The following CALN1 variants were observed in gnomAD, a reference collection of about 807,000 sequenced individuals.
The protein encoded by CALN1 is calcium-binding protein 8.
Under a neutral mutation model 30.6 loss-of-function variants are expected in CALN1, and 17 were observed. The ratio of observed to expected loss-of-function variants is 0.56; its 90% CI spans 0.38 to 0.83. CALN1 has a LOEUF of 0.83. Ranked by LOEUF, CALN1 falls within the 40% of genes least tolerant of loss-of-function variation. The pLI, the probability that CALN1 is intolerant of heterozygous loss-of-function variation, is 0.00. For missense variants in CALN1, 291 were observed against 354.9 expected (o/e 0.82, Z 1.45); for synonymous variants, 156 against 131.4 (o/e 1.19, Z -1.28).
chr7:71,841,912 T>C (rs1430611623), intron 5 of CALN1, among the ~76,000 whole-genome samples: 2 of 152,030 alleles, frequency 1.3e-5, no homozygotes, highest in East Asian at 3.9e-4. Context: ...TGTTCACCAT[T>C]TGAATGATGG....
At chr7:71,811,213 A>T (rs1426623978) in intron 5 of CALN1, among the ~76,000 whole-genome samples, 4 of 151,366 alleles carry the variant, frequency 2.6e-5, no homozygotes, top group Non-Finnish European at 4.4e-5. Flanking sequence ...TGTATCGTTT[A>T]AAAAAAAATT....
chr7:71,983,095 C>A (rs1328218955), intron 5 of CALN1, among the ~76,000 whole-genome samples: 2 of 152,182 alleles, frequency 1.3e-5, no homozygotes, highest in Non-Finnish European at 2.9e-5. Context: ...TCATGCACTG[C>A]CTCCTCAAGC....
At chr7:72,062,205 T>C (rs1221141712) in intron 4 of CALN1, among the ~76,000 whole-genome samples, 1 of 152,126 alleles carries the variant, frequency 6.6e-6, no homozygotes, top group East Asian at 1.9e-4. Context: ...TAAAGGATGT[T>C]CTCCAGAAAG....
At chr7:71,917,351 C>T (rs1234507619) in intron 5 of CALN1, among the ~76,000 whole-genome samples, 2 of 152,120 alleles carry the variant, frequency 1.3e-5, no homozygotes, top group Non-Finnish European at 2.9e-5. Context: ...GTCTAATATA[C>T]AGAATGGCGA....
intron 3 of CALN1, 147 bp downstream of exon 3, chr7:72,278,539 T>C: frequency 2.8e-6 from 3 of 1,070,476 alleles, no homozygotes; most frequent in South Asian, 1.5e-5. Flanking sequence ...ACTTTGTCTC[T>C]GAACTCTTTC....
intron 3 of CALN1, among the ~76,000 whole-genome samples, chr7:72,121,238 ATAT>A (rs1488591603): frequency 1.4e-5 from 2 of 142,034 alleles, no homozygotes; most frequent in East Asian, 3.9e-4. Flanking sequence ...TATATAATTA[ATAT>A]ATTATAATAC....
chr7:71,804,778 A>G (rs12699090), intron 6 of CALN1, among the ~76,000 whole-genome samples: 25,909 of 152,082 alleles, frequency 0.17, 3,255 homozygotes, highest in East Asian at 0.6. Context: ...CCTGGCCAAC[A>G]TGGCAAAACC....
At chr7:72,129,834 G>A (rs1478021147) in intron 3 of CALN1, among the ~76,000 whole-genome samples, 1 of 152,170 alleles carries the variant, frequency 6.6e-6, no homozygotes, top group Non-Finnish European at 1.5e-5. Flanking sequence ...CAATGGAAGA[G>A]TATTGCTATG....
intron 4 of CALN1, among the ~76,000 whole-genome samples, chr7:72,089,503 T>C (rs960543222): frequency 1.3e-5 from 2 of 152,088 alleles, no homozygotes; most frequent in Admixed American, 6.6e-5. Flanking sequence ...TAATTAAAAA[T>C]GACAACATAA....
intron 2 of CALN1, among the ~76,000 whole-genome samples, chr7:72,307,115 T>A (rs551638920): frequency 6.6e-6 from 1 of 152,192 alleles, no homozygotes; most frequent in African/African-American, 2.4e-5. Flanking sequence ...CTTTTTGTAA[T>A]TTTTTTTAAA....
At chr7:72,244,161 G>C (rs987493094) in intron 3 of CALN1, among the ~76,000 whole-genome samples, 2 of 152,308 alleles carry the variant, frequency 1.3e-5, no homozygotes, top group South Asian at 4.1e-4. Context: ...CTAAAGTTAC[G>C]TTTTTGAAGA....
chr7:72,483,775 C>T, the CALN1 span, among the ~76,000 whole-genome samples: 1 of 151,860 alleles, frequency 6.6e-6, no homozygotes. Context: ...TTCACTGATA[C>T]TCTGTTCCTT....
intron 3 of CALN1, among the ~76,000 whole-genome samples, chr7:72,158,603 T>A (rs1787887350): frequency 6.6e-6 from 1 of 152,146 alleles, no homozygotes. Context: ...AGGGCCCTCA[T>A]GGGTAGGCTT....
At chr7:71,911,182 T>C (rs188998562) in intron 5 of CALN1, among the ~76,000 whole-genome samples, 32 of 152,264 alleles carry the variant, frequency 2.1e-4, no homozygotes, top group Non-Finnish European at 5.9e-5. Context: ...ACCCTGTATT[T>C]TGGTAGCTGA....
chr7:72,023,623 C>T, intron 5 of CALN1, 34 bp downstream of exon 5: 1 of 1,537,482 alleles, frequency 6.5e-7, no homozygotes, highest in South Asian at 1.1e-5. Context: ...CATTTACTGT[C>T]AAACTTAGTC....
the CALN1 span, among the ~76,000 whole-genome samples, chr7:72,457,690 G>A: frequency 6.6e-6 from 1 of 151,690 alleles, no homozygotes; most frequent in Non-Finnish European, 1.5e-5. Flanking sequence ...TCCCTCCACA[G>A]GACTGTCCCC....
chr7:72,413,277 CACACACACACCACATGT>C (rs559913609), upstream of CALN1, among the ~76,000 whole-genome samples: 4 of 147,642 alleles, frequency 2.7e-5, no homozygotes, highest in Non-Finnish European at 3.0e-5. Context: ...CACACACATG[CACACACACACCACATGT>C]ACACACACAC....
chr7:72,305,978 A>G (rs1799622702), intron 2 of CALN1, among the ~76,000 whole-genome samples: 1 of 152,134 alleles, frequency 6.6e-6, no homozygotes, highest in African/African-American at 2.4e-5. Context: ...CCCTCAAGAC[A>G]TCATCTAAAC....
chr7:71,932,506 T>C (rs1795604547), intron 5 of CALN1, among the ~76,000 whole-genome samples: 1 of 152,122 alleles, frequency 6.6e-6, no homozygotes, highest in Non-Finnish European at 1.5e-5. Context: ...ATCTTTTGTC[T>C]ACAACTTGAC....
Sources: gnomAD v4.1 joint callset for allele counts (sites outside exome capture counted in the v4.1 genomes callset) on GRCh38, gnomAD v4.1.1 for gene constraint, MANE v1.5 for transcripts, NCBI Gene and HGNC (gene_info 2026-07-23, HGNC 2026-07-21) for gene names.